The following PPARGC1A variants were observed in gnomAD, a reference collection of about 807,000 sequenced individuals.
The protein encoded by PPARGC1A is PPARG coactivator 1 alpha.
PPARGC1A carries 25 observed loss-of-function variants against 88.7 expected under a neutral mutation model. The observed-to-expected ratio is 0.28, with a 90% CI of 0.21 to 0.39. The LOEUF (loss-of-function observed/expected upper bound fraction) is 0.39, where lower values mean the gene tolerates loss of function less well. Among genes scored for constraint, PPARGC1A ranks in the 10% least tolerant of loss-of-function variants. PPARGC1A has a pLI of 1.00. For synonymous variants in PPARGC1A, 363 were observed against 355.6 expected (o/e 1.02, Z -0.24); for missense variants, 880 against 968.7 (o/e 0.91, Z 1.22).
chr4:24,223,947 C>G, the PPARGC1A span, among the ~76,000 whole-genome samples: 815 of 152,224 alleles, frequency 5.4e-3, 34 homozygotes, highest in East Asian at 0.11. Flanking sequence ...AGAAATATCC[C>G]TTCTCTGAGA....
At chr4:24,201,768 A>G in the PPARGC1A span, among the ~76,000 whole-genome samples, 1 of 152,168 alleles carries the variant, frequency 6.6e-6, no homozygotes. Context: ...TTTTTAATAT[A>G]AGTGACTCAT....
chr4:24,349,336 CCA>C, the PPARGC1A span, among the ~76,000 whole-genome samples: 1 of 152,098 alleles, frequency 6.6e-6, no homozygotes, highest in Non-Finnish European at 1.5e-5. Flanking sequence ...TGGAGAGGGA[CCA>C]GCAGTGGGCG....
chr4:24,324,541 A>T, the PPARGC1A span, among the ~76,000 whole-genome samples: 1 of 152,122 alleles, frequency 6.6e-6, no homozygotes, highest in Non-Finnish European at 1.5e-5. Flanking sequence ...TCAAAAACTT[A>T]AAACCTCTTC....
At chr4:23,835,605 ATAT>A (rs1213264951) in intron 2 of PPARGC1A, among the ~76,000 whole-genome samples, 3 of 151,932 alleles carry the variant, frequency 2.0e-5, no homozygotes, top group African/African-American at 7.3e-5. Context: ...TGATTATTCG[ATAT>A]TATTGTTATC....
the PPARGC1A span, among the ~76,000 whole-genome samples, chr4:24,446,108 A>G: frequency 1.3e-5 from 2 of 152,164 alleles, no homozygotes; most frequent in South Asian, 4.1e-4. Flanking sequence ...CATCCATTCA[A>G]TATAATTGAA....
At chr4:23,937,523 T>A in the PPARGC1A span, among the ~76,000 whole-genome samples, 36 of 151,764 alleles carry the variant, frequency 2.4e-4, no homozygotes, top group Non-Finnish European at 4.7e-4. Flanking sequence ...TAAAATAAAA[T>A]AAAAAATAAA....
intron 10 of PPARGC1A, among the ~76,000 whole-genome samples, chr4:23,805,736 T>C (rs1354499452): frequency 6.7e-6 from 1 of 150,236 alleles, no homozygotes; most frequent in African/African-American, 2.5e-5. Context: ...TGTTAAGGAA[T>C]TTTTTTTTAA....
At chr4:24,457,870 T>A in the PPARGC1A span, among the ~76,000 whole-genome samples, 1 of 152,206 alleles carries the variant, frequency 6.6e-6, no homozygotes, top group Admixed American at 6.5e-5. Context: ...ACCGAGATAC[T>A]GTTTAGAGTC....
At chr4:23,823,732 A>G (rs895532621) in intron 7 of PPARGC1A, among the ~76,000 whole-genome samples, 11 of 151,990 alleles carry the variant, frequency 7.2e-5, no homozygotes, top group African/African-American at 2.4e-4. Context: ...CACATACACT[A>G]TATATCTACA....
chr4:24,144,026 A>G, the PPARGC1A span, among the ~76,000 whole-genome samples: 1 of 152,234 alleles, frequency 6.6e-6, no homozygotes, highest in Non-Finnish European at 1.5e-5. Flanking sequence ...ACCAGCCCCT[A>G]CTGGCCACAT....
At chr4:24,310,563 TG>T in the PPARGC1A span, among the ~76,000 whole-genome samples, 4 of 152,184 alleles carry the variant, frequency 2.6e-5, no homozygotes, top group Non-Finnish European at 2.9e-5. Context: ...TACAACTGCA[TG>T]GGGCCAACTG....
the PPARGC1A span, among the ~76,000 whole-genome samples, chr4:23,952,437 T>C: frequency 6.6e-6 from 1 of 152,052 alleles, no homozygotes; most frequent in Admixed American, 6.6e-5. Context: ...GCCTCTCTTT[T>C]TCACTTCCTC....
intron 12 of PPARGC1A, 50 bp from the exon 13 acceptor site, chr4:23,795,975 T>A: frequency 8.1e-7 from 1 of 1,229,250 alleles, no homozygotes; most frequent in Non-Finnish European, 1.2e-6. Flanking sequence ...TGATGGCCAT[T>A]AACTCAATCA....
At chr4:24,308,647 G>A in the PPARGC1A span, among the ~76,000 whole-genome samples, 1 of 152,122 alleles carries the variant, frequency 6.6e-6, no homozygotes, top group East Asian at 1.9e-4. Flanking sequence ...GTGTCTCATG[G>A]GTCAAGTGTG....
At chr4:24,211,418 G>T in the PPARGC1A span, among the ~76,000 whole-genome samples, 6 of 152,172 alleles carry the variant, frequency 3.9e-5, no homozygotes, top group Non-Finnish European at 7.4e-5. Flanking sequence ...AGCAATGAAG[G>T]AGCTGCCAGG....
chr4:24,067,564 CA>C, the PPARGC1A span, among the ~76,000 whole-genome samples: 1 of 152,156 alleles, frequency 6.6e-6, no homozygotes, highest in East Asian at 1.9e-4. Flanking sequence ...CACTAAAGGT[CA>C]AAATGCAAGC....
chr4:24,359,504 C>T, the PPARGC1A span, among the ~76,000 whole-genome samples: 1 of 152,166 alleles, frequency 6.6e-6, no homozygotes, highest in Non-Finnish European at 1.5e-5. Context: ...AATTCTTGAT[C>T]CCCACTGGTG....
the PPARGC1A span, among the ~76,000 whole-genome samples, chr4:24,273,669 C>G: frequency 6.6e-6 from 1 of 151,684 alleles, no homozygotes; most frequent in Non-Finnish European, 1.5e-5. Flanking sequence ...CCCAAGGCAC[C>G]TTCCAATAGT....
chr4:24,310,449 G>C, the PPARGC1A span, among the ~76,000 whole-genome samples: 23 of 152,326 alleles, frequency 1.5e-4, no homozygotes, highest in African/African-American at 4.8e-4. Context: ...GGATGGTAAA[G>C]AGGAGCAATT....
Sources: allele counts gnomAD v4.1 joint callset (sites outside exome capture counted in the v4.1 genomes callset), GRCh38; gene constraint gnomAD v4.1.1; transcripts MANE v1.5; gene names NCBI Gene and HGNC (gene_info 2026-07-23, HGNC 2026-07-21).